The following IL27RA variants were observed in gnomAD, a reference collection of about 807,000 sequenced individuals.
The protein encoded by IL27RA is interleukin-27 receptor subunit alpha.
IL27RA carries 61 observed loss-of-function variants against 80.8 expected under a neutral mutation model. That is an observed-to-expected ratio of 0.76 (90% CI 0.61 to 0.93). The LOEUF is 0.93. Ranked by LOEUF, IL27RA falls within the 40% of genes least tolerant of loss-of-function variation. The pLI is 0.00. For missense variants in IL27RA, 735 were observed against 808.1 expected (o/e 0.91, Z 1.10); for synonymous variants, 316 against 332.5 (o/e 0.95, Z 0.54).
chr19:14,044,218 G>C (rs755832175), intron 6 of IL27RA, among the ~76,000 whole-genome samples: 1 of 151,818 alleles, frequency 6.6e-6, no homozygotes, highest in East Asian at 1.9e-4. Context: ...CACCTTCTTA[G>C]ACCACACAAT....
intron 2 of IL27RA, among the ~76,000 whole-genome samples, chr19:14,038,106 A>C (rs1431130289): frequency 6.6e-6 from 1 of 151,896 alleles, no homozygotes; most frequent in Non-Finnish European, 1.5e-5. Context: ...CTAGGATTAC[A>C]GGCGTGAGCC....
intron 2 of IL27RA, among the ~76,000 whole-genome samples, chr19:14,039,284 A>AT (rs1261887098): frequency 6.6e-6 from 1 of 151,832 alleles, no homozygotes; most frequent in Non-Finnish European, 1.5e-5. Context: ...TAAAAAAAAA[A>AT]AAGAAAAAGA....
intron 6 of IL27RA, 52 bp from the exon 7 acceptor site, chr19:14,046,102 T>C (rs1396852212): frequency 1.3e-6 from 2 of 1,536,328 alleles, no homozygotes; most frequent in Non-Finnish European, 8.9e-7. Context: ...GAGACACATA[T>C]ATGTGCGTGA....
chr19:14,037,081 C>A (rs997860160), intron 2 of IL27RA, among the ~76,000 whole-genome samples: 1 of 152,042 alleles, frequency 6.6e-6, no homozygotes, highest in Non-Finnish European at 1.5e-5. Context: ...ACTCTGCCTG[C>A]CTTGGCCTCC....
chr19:14,042,197 C>CAAAA (rs144463133), intron 4 of IL27RA, among the ~76,000 whole-genome samples: 2 of 86,350 alleles, frequency 2.3e-5, no homozygotes, highest in Non-Finnish European at 4.9e-5. Context: ...GACTCTGCCT[C>CAAAA]AAAAAAAAAA....
intron 11 of IL27RA, among the ~76,000 whole-genome samples, chr19:14,051,307 G>C (rs1460972652): frequency 1.3e-5 from 2 of 151,978 alleles, no homozygotes; most frequent in African/African-American, 4.8e-5. Context: ...CACTTTGGGA[G>C]GCCGAGGCGG....
At position 14,052,224 on chromosome 19, in the gene IL27RA, G is replaced by A; in HGVS notation, c.1845G>A (p.Lys615=). 1 of 1,595,114 alleles carries A rather than the reference G, an allele frequency of 6.3e-7. No individual in the cohort carries two copies. Among genetic ancestry groups the A allele is most frequent in the Non-Finnish European group, 8.5e-7 (1 of 1,171,152 alleles). Residue 615 remains lysine (K), a synonymous_variant, in exon 14 of 14, where the codon AAG becomes AAA. Coordinates refer to ENST00000263379, the MANE Select transcript of IL27RA (RefSeq NM_004843.4). The part of the protein sequence containing the change: ...ATAPLDSGYE[K]HFLPTPEELG... ...CCCCGCTTGACTCTGGGTATGAGAA[G>A]CACTTCCTGCCCACACCTGAGGAGC...
chr19:14,047,654 G>GC (rs988001123), intron 8 of IL27RA, among the ~76,000 whole-genome samples: 14 of 136,342 alleles, frequency 1.0e-4, no homozygotes, highest in Non-Finnish European at 2.0e-4. Context: ...ACCATGCCTG[G>GC]CCCTTTTTTT....
At chr19:14,046,086 C>A in intron 6 of IL27RA, 68 bp from the exon 7 acceptor site, 2 of 1,456,182 alleles carry the variant, frequency 1.4e-6, no homozygotes, top group South Asian at 1.3e-5. Context: ...ATCAGGTGAC[C>A]TCAGGGAGAC....
At chr19:14,044,001 T>C (rs1369894584) in intron 6 of IL27RA, among the ~76,000 whole-genome samples, 17 of 138,458 alleles carry the variant, frequency 1.2e-4, no homozygotes. Flanking sequence ...TGAGCTGAGC[T>C]CGAGCCACTG....
At chr19:14,040,407 G>A (rs1024176166) in intron 4 of IL27RA, among the ~76,000 whole-genome samples, 2 of 151,514 alleles carry the variant, frequency 1.3e-5, no homozygotes, top group East Asian at 1.9e-4. Flanking sequence ...TCTATCACCC[G>A]GTCACAGTGG....
rs777543795 is a variant in IL27RA, at chr19:14,049,175, G to A, written c.1263G>A (p.Thr421=). 11 of 1,613,916 alleles carry A rather than the reference G, an allele frequency of 6.8e-6. No homozygotes were observed. The highest frequency in any genetic ancestry group is 2.7e-5 in the African/African-American group (2 of 74,910). ...REELAPLVGP[T]LWRLQDAPPG... ...CCCCAGCACCCCTAGTGGGGCCAAC[G>A]CTTTGGCGACTCCAAGATGCCCCTC... The change falls in exon 10 of 14, where the codon ACG becomes ACA. Residue 421 remains threonine (T), a synonymous_variant. Transcript: ENST00000263379.
At position 14,036,040 on chromosome 19, in the gene IL27RA, A is replaced by T. The variant is rs1177196341; in HGVS notation, c.219-3468A>T. Among the ~76,000 whole-genome samples, 3 of 150,770 alleles carry T rather than the reference A, an allele frequency of 2.0e-5. No individual in the cohort carries two copies. The Admixed American group carries it at 2.0e-4, about 10-fold the overall frequency. On this transcript the variant is annotated intron_variant, in intron 2 of 13. Transcript: ENST00000263379. Reference sequence around the variant, plus strand: ...AGGATGGCTTGAGCCCAGGGGTTGGAGACCAGCCTGGGCAACGTAGTGAGA... The same window carrying T: ...AGGATGGCTTGAGCCCAGGGGTTGGTGACCAGCCTGGGCAACGTAGTGAGA...
At chr19:14,050,954 G>A in intron 11 of IL27RA, 71 bp downstream of exon 11, 1 of 1,481,222 alleles carries the variant, frequency 6.8e-7, no homozygotes, top group South Asian at 1.3e-5. Context: ...AGCATCTGGA[G>A]TCATTACTTG....
chr19:14,035,695 G>GAA (rs1300793605), intron 2 of IL27RA, among the ~76,000 whole-genome samples: 2 of 151,786 alleles, frequency 1.3e-5, no homozygotes, highest in African/African-American at 4.8e-5. Flanking sequence ...GAGCCTGGCG[G>GAA]GGGGCCTAGT....
At chr19:14,048,057 A>G (rs1340653755) in intron 8 of IL27RA, among the ~76,000 whole-genome samples, 1 of 151,408 alleles carries the variant, frequency 6.6e-6, no homozygotes, top group Non-Finnish European at 1.5e-5. Flanking sequence ...TCCATGGCTC[A>G]AGCAATCCTC....
intron 6 of IL27RA, among the ~76,000 whole-genome samples, chr19:14,043,498 C>T (rs2092722392): frequency 1.3e-5 from 2 of 151,830 alleles, no homozygotes; most frequent in South Asian, 4.1e-4. Context: ...CATCTCAGCT[C>T]ACTGCAACCT....
At chr19:14,045,700 T>C (rs369743883) in intron 6 of IL27RA, among the ~76,000 whole-genome samples, 3 of 151,974 alleles carry the variant, frequency 2.0e-5, no homozygotes, top group East Asian at 3.9e-4. Flanking sequence ...ATCTCACTTA[T>C]TGGGTTTTTG....
rs773314639 is a variant in IL27RA, at chr19:14,046,149, C to G, written c.769-5C>G. 6.2e-7 allele frequency: 1 copy of G among 1,610,846 alleles called. No homozygotes were observed. The highest frequency in any genetic ancestry group is 1.7e-5 in the Admixed American group (1 of 59,208). On this transcript the variant is annotated splice_polypyrimidine_tract_variant and splice_region_variant and intron_variant, in intron 6 of 13. Coordinates refer to ENST00000263379, the MANE Select transcript of IL27RA (RefSeq NM_004843.4). ...CATTAACCCCTTTTTCCCTTCATCT[C>G]TCAGGCCCCAGGGCCCTGTGTGCAG... is the stretch of plus-strand genomic sequence containing the variant.
Sources: allele counts gnomAD v4.1 joint callset (sites outside exome capture counted in the v4.1 genomes callset), GRCh38; gene constraint gnomAD v4.1.1; transcripts MANE v1.5; gene names NCBI Gene and HGNC (gene_info 2026-07-23, HGNC 2026-07-21).